TTLL11: variants seen among roughly 807,000 people sequenced by gnomAD.
The protein encoded by TTLL11 is tubulin polyglutamylase TTLL11.
Under a neutral mutation model 51.7 loss-of-function variants are expected in TTLL11, and 42 were observed. The ratio of observed to expected loss-of-function variants is 0.81; its 90% CI spans 0.64 to 1.05. The LOEUF (loss-of-function observed/expected upper bound fraction) is 1.05, where lower values mean the gene tolerates loss of function less well. Among genes scored for constraint, TTLL11 ranks in the 50% least tolerant of loss-of-function variants. The pLI, the probability that TTLL11 is intolerant of heterozygous loss-of-function variation, is 0.00. For synonymous variants in TTLL11, 381 were observed against 383.5 expected (o/e 0.99, Z 0.08); for missense variants, 799 against 940.4 (o/e 0.85, Z 1.97).
intron 6 of TTLL11, among the ~76,000 whole-genome samples, chr9:121,892,223 T>C (rs1288329810): frequency 6.7e-5 from 10 of 149,962 alleles, no homozygotes; most frequent in East Asian, 1.9e-4. Context: ...CATATATATA[T>C]ATAATCTTCC....
intron 8 of TTLL11, among the ~76,000 whole-genome samples, chr9:121,834,494 T>TC (rs1554757587): frequency 0.016 from 2,369 of 150,920 alleles, 49 homozygotes; most frequent in African/African-American, 0.054. Flanking sequence ...TTTTTTTTTT[T>TC]CACAAGGTAC....
chr9:121,940,534 C>T (rs1008900682), intron 6 of TTLL11, among the ~76,000 whole-genome samples: 8 of 152,084 alleles, frequency 5.3e-5, no homozygotes, highest in African/African-American at 1.9e-4. Flanking sequence ...GACGGGGTTT[C>T]ACTATGTTGG....
At chr9:121,824,983 T>A (rs1156863860) in intron 8 of TTLL11, among the ~76,000 whole-genome samples, 1 of 152,140 alleles carries the variant, frequency 6.6e-6, no homozygotes, top group Non-Finnish European at 1.5e-5. Context: ...TGGCCTTGGG[T>A]TCTTTTGACT....
chr9:121,924,312 T>C (rs1420479090), intron 6 of TTLL11, among the ~76,000 whole-genome samples: 2 of 152,186 alleles, frequency 1.3e-5, no homozygotes, highest in African/African-American at 2.4e-5. Flanking sequence ...GAGGCTAGGA[T>C]GTTTCCTTCC....
intron 6 of TTLL11, among the ~76,000 whole-genome samples, chr9:121,889,738 A>G (rs1235490262): frequency 6.6e-6 from 1 of 152,172 alleles, no homozygotes; most frequent in Non-Finnish European, 1.5e-5. Context: ...CGTCTCTACT[A>G]AAAATACAAA....
At chr9:121,889,695 T>C (rs1425597513) in intron 6 of TTLL11, among the ~76,000 whole-genome samples, 1 of 151,946 alleles carries the variant, frequency 6.6e-6, no homozygotes, top group Non-Finnish European at 1.5e-5. Flanking sequence ...AGGTCAGGAG[T>C]TTGAGACCAG....
chr9:121,869,355 G>A (rs975636864), intron 7 of TTLL11, among the ~76,000 whole-genome samples: 1 of 152,182 alleles, frequency 6.6e-6, no homozygotes, highest in African/African-American at 2.4e-5. Context: ...AGTGAATAAA[G>A]CTGTGAAAAG....
intron 8 of TTLL11, 21 bp downstream of exon 8, chr9:121,860,316 G>T: frequency 6.5e-7 from 1 of 1,538,708 alleles, no homozygotes. Flanking sequence ...ACAGGCCATG[G>T]CAGAGGCATT....
intron 1 of TTLL11, among the ~76,000 whole-genome samples, chr9:122,053,696 G>C (rs1845221855): frequency 1.3e-5 from 2 of 152,274 alleles, no homozygotes; most frequent in South Asian, 4.1e-4. Context: ...GAGCAGGGCT[G>C]GGGGAAGGCG....
At chr9:122,085,078 G>T (rs998451641) in intron 1 of TTLL11, among the ~76,000 whole-genome samples, 1 of 152,102 alleles carries the variant, frequency 6.6e-6, no homozygotes, top group Non-Finnish European at 1.5e-5. Flanking sequence ...TAGCCAACAT[G>T]GTGAAACCCC....
intron 1 of TTLL11, among the ~76,000 whole-genome samples, chr9:122,058,337 G>C (rs1028139936): frequency 6.6e-6 from 1 of 152,236 alleles, no homozygotes; most frequent in Non-Finnish European, 1.5e-5. Context: ...AATAGACAGG[G>C]AACTCAGTGG....
chr9:121,977,833 C>A (rs1211501371), intron 4 of TTLL11, among the ~76,000 whole-genome samples: 6 of 151,980 alleles, frequency 3.9e-5, no homozygotes, highest in African/African-American at 1.2e-4. Context: ...TGCCCCCATG[C>A]CCAGCTAATT....
chr9:122,080,423 C>A (rs1845973149), intron 1 of TTLL11, among the ~76,000 whole-genome samples: 1 of 152,038 alleles, frequency 6.6e-6, no homozygotes, highest in African/African-American at 2.4e-5. Flanking sequence ...GTGACGCACA[C>A]CTGTAATCCT....
At chr9:121,839,822 C>A (rs192529433) in intron 8 of TTLL11, among the ~76,000 whole-genome samples, 4,291 of 152,222 alleles carry the variant, frequency 0.028, 190 homozygotes, top group African/African-American at 0.095. Flanking sequence ...CAGGGCAGAG[C>A]AGTGCCCACT....
chr9:122,054,201 G>A (rs533250464), intron 1 of TTLL11, among the ~76,000 whole-genome samples: 2 of 152,036 alleles, frequency 1.3e-5, no homozygotes, highest in African/African-American at 4.8e-5. Flanking sequence ...GAGCGGTGGT[G>A]AGGCCCATCG....
rs138342552 is a variant in TTLL11, at chr9:121,863,190, A to G, written c.1734-2747T>C. 1.9e-3 allele frequency among the ~76,000 whole-genome samples: 293 copies of G among 152,314 alleles called. 3 individuals are homozygous for G. The highest frequency in any genetic ancestry group is 6.8e-3 in the African/African-American group (282 of 41,558). On this transcript the variant is annotated intron_variant, in intron 7 of 8. Transcript: ENST00000321582. ...ACACGGTTATTGAGCCCCAGTAACC[A>G]CATGTCAATGGACGCGGAGGTTTTC...
In TTLL11 at chr9:122,030,206, G is replaced by C. The variant is rs537449067; in HGVS notation, c.693+1517C>G. ...AGAGCCACAGAAGAGAGACATTGGG[G>C]GGGGGGGGGTAATTATGAGGAACAG... is the stretch of plus-strand genomic sequence containing the variant. On this transcript the variant is annotated intron_variant, in intron 3 of 8. Transcript: ENST00000321582. Among the ~76,000 whole-genome samples, 623 of 145,542 alleles carry C rather than the reference G, an allele frequency of 4.3e-3. 6 individuals are homozygous for C. Among genetic ancestry groups the C allele is most frequent in the African/African-American group, 0.014 (563 of 39,882 alleles).
At chr9:121,891,424 A>T (rs1203526069) in intron 6 of TTLL11, among the ~76,000 whole-genome samples, 5 of 152,184 alleles carry the variant, frequency 3.3e-5, no homozygotes, top group Non-Finnish European at 7.3e-5. Flanking sequence ...CTAGCCTTTG[A>T]TGCAACAGCG....
At chr9:121,843,555 A>G (rs1232247047) in intron 8 of TTLL11, among the ~76,000 whole-genome samples, 2 of 152,006 alleles carry the variant, frequency 1.3e-5, no homozygotes, top group Non-Finnish European at 2.9e-5. Flanking sequence ...ATTAGAGAAA[A>G]TCTTCTCATG....
Sources: gnomAD v4.1 joint callset for allele counts (sites outside exome capture counted in the v4.1 genomes callset) on GRCh38, gnomAD v4.1.1 for gene constraint, MANE v1.5 for transcripts, NCBI Gene and HGNC (gene_info 2026-07-23, HGNC 2026-07-21) for gene names.